The following FOXK1 variants were observed in gnomAD, a reference collection of about 807,000 sequenced individuals.
FOXK1 encodes the protein forkhead box K1.
In FOXK1, 19 loss-of-function variants were observed where a neutral mutation model predicts 51.9. The ratio of observed to expected loss-of-function variants is 0.37; its 90% CI spans 0.26 to 0.54. FOXK1 has a LOEUF of 0.54. FOXK1 is among the 20% of genes least tolerant of loss of function. The pLI is 0.87. For missense variants in FOXK1, 870 were observed against 1,032.7 expected (o/e 0.84, Z 2.16); for synonymous variants, 537 against 482.6 (o/e 1.11, Z -1.48).
Position 4,717,533 on chromosome 7 carries a change from G to T in FOXK1, c.561-23305G>T, listed in dbSNP as rs542689664. Among the ~76,000 whole-genome samples the T allele has an allele frequency of 1.1e-4, 17 of 151,986 alleles. No individual in the cohort carries two copies. In the South Asian group the frequency reaches 3.5e-3, roughly 32 times the overall value. ...GAGGTGCCTGGCTGGGAGGCACGTG[G>T]CTGGGAGGCAGTGGCAGGACGTGCA... On this transcript the variant is annotated intron_variant, in intron 1 of 8. Coordinates refer to ENST00000328914, the MANE Select transcript of FOXK1 (RefSeq NM_001037165.2).
In FOXK1 at chr7:4,759,568, G is replaced by C; in HGVS notation, c.1669G>C (p.Val557Leu). 4 of 1,538,450 alleles carry C rather than the reference G, an allele frequency of 2.6e-6. No individual in the cohort carries two copies. Among genetic ancestry groups the C allele is most frequent in the South Asian group, 1.2e-5 (1 of 84,194 alleles). Residue 557 changes from valine to leucine, a missense_variant, in exon 7 of 9, where the codon GTG (valine) becomes CTG (leucine). Val to Leu is a conservative substitution (Grantham distance 32). Transcript: ENST00000328914. ...CTCCCATGATGCGGCGGGCGCAGCC[G>C]TGCTGGACCTGGGCAGCGAGGCCAG... is the stretch of plus-strand genomic sequence containing the variant. ...GGSHDAAGAAVLDLGSEARGL... is the reference protein window; with the variant it reads ...GGSHDAAGAALLDLGSEARGL...
intron 1 of FOXK1, among the ~76,000 whole-genome samples, chr7:4,689,120 G>A (rs149363382): frequency 3.4e-4 from 51 of 152,140 alleles, no homozygotes; most frequent in Non-Finnish European, 6.3e-4. Flanking sequence ...TGGGATTACA[G>A]GCATCCACCA....
chr7:4,718,841 C>T (rs936739152), intron 1 of FOXK1, among the ~76,000 whole-genome samples: 7 of 152,194 alleles, frequency 4.6e-5, no homozygotes, highest in African/African-American at 1.2e-4. Context: ...CGGAGTTTCA[C>T]TCTTGTCACC....
chr7:4,742,864 C>T (rs1780652904), intron 2 of FOXK1, among the ~76,000 whole-genome samples: 1 of 152,350 alleles, frequency 6.6e-6, no homozygotes, highest in East Asian at 1.9e-4. Flanking sequence ...GAATCATCTC[C>T]ATTTGAGTTG....
chr7:4,724,321 G>A (rs770482197), intron 1 of FOXK1, among the ~76,000 whole-genome samples: 1 of 152,058 alleles, frequency 6.6e-6, no homozygotes, highest in Non-Finnish European at 1.5e-5. Flanking sequence ...TCAACCTCTC[G>A]GGTAGCTGGG....
At position 4,747,367 on chromosome 7, in the gene FOXK1, C is replaced by T. The variant is rs1046206605; in HGVS notation, c.746+6344C>T. Among the ~76,000 whole-genome samples, 1 of 152,224 alleles carries T rather than the reference C, an allele frequency of 6.6e-6. No homozygotes were observed. The highest frequency in any genetic ancestry group is 1.5e-5 in the Non-Finnish European group (1 of 68,032). On this transcript the variant is annotated intron_variant, in intron 2 of 8. Coordinates refer to ENST00000328914, the MANE Select transcript of FOXK1 (RefSeq NM_001037165.2). The surrounding 1 kb of genome is among the most constrained non-coding windows in gnomAD (Gnocchi z 9.2). ...GGGGCCGCCTCTCCGCTCAAGCACC[C>T]ACTCAGCTCTGTGAGGTCTATGCCT...
At position 4,761,956 on chromosome 7, in the gene FOXK1, G is replaced by A. The variant is rs1780938192; in HGVS notation, c.1922-228G>A. Among the ~76,000 whole-genome samples, 1 of 152,074 alleles carries A rather than the reference G, an allele frequency of 6.6e-6. No homozygotes were observed. Among genetic ancestry groups the A allele is most frequent in the African/African-American group, 2.4e-5 (1 of 41,412 alleles). On this transcript the variant is annotated intron_variant, in intron 8 of 8. Transcript: ENST00000328914. The surrounding 1 kb of genome is among the most constrained non-coding windows in gnomAD (Gnocchi z 6.2). Reference sequence around the variant, plus strand: ...TGTCCAGCAGGATCTAGACAGCAATGAGAGGGGCCTCCACCCAACAGGCTG... The same window carrying A: ...TGTCCAGCAGGATCTAGACAGCAATAAGAGGGGCCTCCACCCAACAGGCTG...
intron 7 of FOXK1, 24 bp downstream of exon 7, chr7:4,759,619 C>G (rs1451471733): frequency 2.0e-6 from 3 of 1,524,062 alleles, no homozygotes; most frequent in Non-Finnish European, 2.6e-6. Context: ...GGCTGGCAGC[C>G]TTCGCAGGAC....
At chr7:4,721,259 G>C (rs1273194857) in intron 1 of FOXK1, among the ~76,000 whole-genome samples, 1 of 152,146 alleles carries the variant, frequency 6.6e-6, no homozygotes, top group Non-Finnish European at 1.5e-5. Context: ...GCCTGTGTGT[G>C]GCAGTGCACA....
chr7:4,745,612 T>G lies in FOXK1; in HGVS notation c.746+4589T>G, dbSNP rs867137650. 6.6e-6 allele frequency among the ~76,000 whole-genome samples: 1 copy of G among 152,186 alleles called. No individual in the cohort carries two copies. Among genetic ancestry groups the G allele is most frequent in the East Asian group, 1.9e-4 (1 of 5,190 alleles). On this transcript the variant is annotated intron_variant, in intron 2 of 8. Coordinates refer to ENST00000328914, the MANE Select transcript of FOXK1 (RefSeq NM_001037165.2). The surrounding 1 kb of genome is among the most constrained non-coding windows in gnomAD (Gnocchi z 4.3). Reference sequence around the variant, plus strand: ...TTTCTTTCCTTTTTGCAAAGAAGGATTTTTACAGGCCAGGCGCCCGGTGGC... The same window carrying G: ...TTTCTTTCCTTTTTGCAAAGAAGGAGTTTTACAGGCCAGGCGCCCGGTGGC...
At chr7:4,726,249 A>T (rs1003558826) in intron 1 of FOXK1, among the ~76,000 whole-genome samples, 2 of 152,192 alleles carry the variant, frequency 1.3e-5, no homozygotes, top group African/African-American at 4.8e-5. Flanking sequence ...GCTTTTACTT[A>T]GGAAGCACGA....
chr7:4,712,404 G>C (rs1780186298), intron 1 of FOXK1, among the ~76,000 whole-genome samples: 1 of 152,148 alleles, frequency 6.6e-6, no homozygotes, highest in African/African-American at 2.4e-5. Context: ...TGGAGTGAAG[G>C]CTCCGCATTC....
Position 4,745,476 on chromosome 7 carries a change from G to C in FOXK1, c.746+4453G>C, listed in dbSNP as rs1032002703. 1.3e-5 allele frequency among the ~76,000 whole-genome samples: 2 copies of C among 151,996 alleles called. No individual in the cohort carries two copies. The highest frequency in any genetic ancestry group is 4.8e-5 in the African/African-American group (2 of 41,480). On this transcript the variant is annotated intron_variant, in intron 2 of 8. Coordinates refer to ENST00000328914, the MANE Select transcript of FOXK1 (RefSeq NM_001037165.2). The surrounding 1 kb of genome is among the most constrained non-coding windows in gnomAD (Gnocchi z 4.3). ...TATGGGTGTGGGTGTGTGGTTTTGT[G>C]TGTGTGTGTGTGTTTCTGATTTATT...
chr7:4,729,460 A>AT lies in FOXK1; in HGVS notation c.561-11374dup, dbSNP rs1232256076. ...CCTTCCGCGAAGGGAAGGTGGGGGGATTTTGAAGGAGCTGTGAACACCGAG... is the reference window on the plus strand; with the variant it reads ...CCTTCCGCGAAGGGAAGGTGGGGGGATTTTTGAAGGAGCTGTGAACACCGAG... On this transcript the variant is annotated intron_variant, in intron 1 of 8. Transcript: ENST00000328914. The surrounding 1 kb of genome is among the most constrained non-coding windows in gnomAD (Gnocchi z 6.2). Among the ~76,000 whole-genome samples, 2 of 151,758 alleles carry AT rather than the reference A, an allele frequency of 1.3e-5. No individual in the cohort carries two copies. The highest frequency in any genetic ancestry group is 4.8e-5 in the African/African-American group (2 of 41,324).
At chr7:4,712,148 G>A (rs1325331784) in intron 1 of FOXK1, among the ~76,000 whole-genome samples, 2 of 151,998 alleles carry the variant, frequency 1.3e-5, no homozygotes, top group Non-Finnish European at 1.5e-5. Flanking sequence ...GTAGGGTTGA[G>A]ATGAAATCCA....
chr7:4,756,887 G>A lies in FOXK1; in HGVS notation c.1051-107G>A. On this transcript the variant is annotated intron_variant, in intron 4 of 8. Coordinates refer to ENST00000328914, the MANE Select transcript of FOXK1 (RefSeq NM_001037165.2). The surrounding 1 kb of genome is among the most constrained non-coding windows in gnomAD (Gnocchi z 4.1). ...CACAGCACCAAGGGCTCTGCACAGA[G>A]GGACGGCCTCCCCTCACCCTGGTCC... 2 of 1,245,084 alleles carry A rather than the reference G, an allele frequency of 1.6e-6. No homozygotes were observed. Among genetic ancestry groups the A allele is most frequent in the Non-Finnish European group, 2.3e-6 (2 of 886,588 alleles). The allele number at this position is 1,245,084 out of a possible 1,614,324, so 77.1% of individuals were successfully genotyped here.
intron 2 of FOXK1, among the ~76,000 whole-genome samples, chr7:4,752,115 G>T (rs975694637): frequency 1.3e-5 from 2 of 152,120 alleles, no homozygotes; most frequent in Admixed American, 6.5e-5. Flanking sequence ...ACCACGCCCA[G>T]CTAATTTTTA....
At chr7:4,754,768 C>T in intron 3 of FOXK1, 153 bp downstream of exon 3, 6 of 990,194 alleles carry the variant, frequency 6.1e-6, no homozygotes, top group East Asian at 5.3e-5. Context: ...GCGGTAGAGC[C>T]GTCGGCCCTT....
At chr7:4,738,763 C>T (rs897721951) in intron 1 of FOXK1, among the ~76,000 whole-genome samples, 19 of 152,112 alleles carry the variant, frequency 1.2e-4, no homozygotes, top group Non-Finnish European at 4.4e-5. Flanking sequence ...GGCCTGACAG[C>T]GCCTGGCACT....
Sources: allele counts gnomAD v4.1 joint callset (sites outside exome capture counted in the v4.1 genomes callset), GRCh38; gene constraint gnomAD v4.1.1; non-coding constraint Gnocchi (gnomAD v3.1); transcripts MANE v1.5; gene names NCBI Gene and HGNC (gene_info 2026-07-23, HGNC 2026-07-21).